KHDRBS2: variants seen among roughly 807,000 people sequenced by gnomAD.
KHDRBS2 encodes KH domain-containing, RNA-binding, signal transduction-associated protein 2.
A neutral mutation model predicts 44.3 loss-of-function variants in KHDRBS2; 26 were observed. The observed-to-expected ratio is 0.59, with a 90% CI of 0.43 to 0.81. The LOEUF (loss-of-function observed/expected upper bound fraction) is 0.81. Among genes scored for constraint, KHDRBS2 ranks in the 40% least tolerant of loss-of-function variants. The probability of loss-of-function intolerance (pLI) is 0.00; values close to 1 mark genes in which losing one functional copy is unlikely to be tolerated. For missense variants in KHDRBS2, 476 were observed against 433.1 expected (o/e 1.10, Z -0.88); for synonymous variants, 194 against 151.1 (o/e 1.28, Z -2.08).
intron 7 of KHDRBS2, among the ~76,000 whole-genome samples, chr6:61,724,577 CA>C (rs1773240563): frequency 6.6e-6 from 1 of 152,120 alleles, no homozygotes; most frequent in South Asian, 2.1e-4. Context: ...ATCTCATGTG[CA>C]AAGACACACA....
At chr6:62,195,063 T>C (rs1366447810) in intron 1 of KHDRBS2, among the ~76,000 whole-genome samples, 1 of 152,124 alleles carries the variant, frequency 6.6e-6, no homozygotes, top group Non-Finnish European at 1.5e-5. Flanking sequence ...ATGATGAACA[T>C]GGGATACATT....
At chr6:62,127,517 T>C (rs1809252044) in intron 2 of KHDRBS2, among the ~76,000 whole-genome samples, 1 of 152,162 alleles carries the variant, frequency 6.6e-6, no homozygotes, top group Admixed American at 6.5e-5. Context: ...AGGTTAATAC[T>C]GATAGTCTAA....
the KHDRBS2 span, among the ~76,000 whole-genome samples, chr6:61,661,816 T>C: frequency 6.6e-6 from 1 of 151,954 alleles, no homozygotes; most frequent in South Asian, 2.1e-4. Flanking sequence ...AAAATGGCCA[T>C]ACTGCCTAAG....
At chr6:62,179,534 C>A (rs1821829556) in intron 1 of KHDRBS2, among the ~76,000 whole-genome samples, 1 of 151,740 alleles carries the variant, frequency 6.6e-6, no homozygotes, top group African/African-American at 2.4e-5. Flanking sequence ...CTTTTGATCA[C>A]TGCCCTATGG....
At chr6:62,283,292 C>A (rs1319313256) in intron 1 of KHDRBS2, among the ~76,000 whole-genome samples, 2 of 152,048 alleles carry the variant, frequency 1.3e-5, no homozygotes, top group African/African-American at 2.4e-5. Context: ...ATGGACCCCC[C>A]AAAAACCCCA....
At chr6:62,259,419 T>G (rs913030622) in intron 1 of KHDRBS2, among the ~76,000 whole-genome samples, 5 of 151,950 alleles carry the variant, frequency 3.3e-5, no homozygotes, top group Admixed American at 3.3e-4. Context: ...GAATTCAGTT[T>G]TATAACTTTT....
the KHDRBS2 span, among the ~76,000 whole-genome samples, chr6:61,597,903 GT>G: frequency 1.5e-5 from 2 of 133,022 alleles, no homozygotes; most frequent in Admixed American, 7.6e-5. Context: ...AAACATAGAG[GT>G]TTTTTTTGTG....
chr6:62,008,556 T>C (rs541999249), intron 3 of KHDRBS2, among the ~76,000 whole-genome samples: 2 of 152,310 alleles, frequency 1.3e-5, no homozygotes, highest in Admixed American at 1.3e-4. Context: ...CAAGCTAATT[T>C]TGGGGATGGA....
chr6:61,734,241 T>G (rs1484551486), intron 6 of KHDRBS2, among the ~76,000 whole-genome samples: 1 of 152,146 alleles, frequency 6.6e-6, no homozygotes, highest in Non-Finnish European at 1.5e-5. Context: ...ATGAAATAGT[T>G]TCTCTATTTG....
chr6:62,071,582 A>G (rs1795101948), intron 2 of KHDRBS2, among the ~76,000 whole-genome samples: 1 of 152,174 alleles, frequency 6.6e-6, no homozygotes, highest in Admixed American at 6.6e-5. Flanking sequence ...TCCCAGCACC[A>G]TTTATTAAAT....
intron 3 of KHDRBS2, among the ~76,000 whole-genome samples, chr6:62,024,215 CTAAG>C (rs1041489498): frequency 4.0e-5 from 6 of 151,164 alleles, no homozygotes; most frequent in African/African-American, 1.5e-4. Context: ...ACTGTAATAA[CTAAG>C]TAATGATTTG....
chr6:61,990,867 G>A (rs1364445799), intron 3 of KHDRBS2, among the ~76,000 whole-genome samples: 1 of 152,006 alleles, frequency 6.6e-6, no homozygotes, highest in Non-Finnish European at 1.5e-5. Flanking sequence ...GCACCACCAT[G>A]CCCAGTTAAT....
chr6:61,571,158 C>T, the KHDRBS2 span, among the ~76,000 whole-genome samples: 42 of 152,004 alleles, frequency 2.8e-4, no homozygotes, highest in African/African-American at 9.4e-4. Flanking sequence ...AACCAAGTAC[C>T]TGCTGTCTCC....
intron 2 of KHDRBS2, among the ~76,000 whole-genome samples, chr6:62,115,047 C>A (rs138297135): frequency 6.6e-6 from 1 of 151,958 alleles, no homozygotes; most frequent in Non-Finnish European, 1.5e-5. Context: ...AACCTATTTG[C>A]GATCATTCGT....
intron 6 of KHDRBS2, among the ~76,000 whole-genome samples, chr6:61,866,822 C>G (rs1276897349): frequency 6.6e-6 from 1 of 152,224 alleles, no homozygotes; most frequent in Non-Finnish European, 1.5e-5. Context: ...CTGCCAGTCT[C>G]TTTGCTAAAA....
At chr6:61,758,641 T>C (rs1483830308) in intron 6 of KHDRBS2, among the ~76,000 whole-genome samples, 1 of 152,072 alleles carries the variant, frequency 6.6e-6, no homozygotes, top group Non-Finnish European at 1.5e-5. Flanking sequence ...GTACCAAATA[T>C]GGCCCACAAG....
chr6:62,044,841 G>A (rs1312911854), intron 3 of KHDRBS2, among the ~76,000 whole-genome samples: 1 of 152,074 alleles, frequency 6.6e-6, no homozygotes, highest in Non-Finnish European at 1.5e-5. Context: ...TTGAGAAGAG[G>A]ATTCTGAGAG....
At chr6:61,857,472 G>A (rs565829741) in intron 6 of KHDRBS2, among the ~76,000 whole-genome samples, 10 of 151,490 alleles carry the variant, frequency 6.6e-5, no homozygotes, top group Non-Finnish European at 1.5e-4. Context: ...TCAAATCAAG[G>A]CTGGCATACA....
At chr6:61,817,476 C>T (rs1789166340) in intron 6 of KHDRBS2, among the ~76,000 whole-genome samples, 1 of 152,014 alleles carries the variant, frequency 6.6e-6, no homozygotes, top group South Asian at 2.1e-4. Context: ...GTATATTAGA[C>T]TTTTTTTCCT....
Sources: allele counts gnomAD v4.1 joint callset (sites outside exome capture counted in the v4.1 genomes callset), GRCh38; gene constraint gnomAD v4.1.1; transcripts MANE v1.5; gene names NCBI Gene and HGNC (gene_info 2026-07-23, HGNC 2026-07-21).